Variants in NVL observed in about 807,000 individuals in gnomAD.
NVL encodes the protein nuclear valosin-containing protein-like.
NVL carries 84 observed loss-of-function variants against 110.2 expected under a neutral mutation model. That is an observed-to-expected ratio of 0.76 (90% CI 0.64 to 0.91). The LOEUF is 0.91. NVL is among the 40% of genes least tolerant of loss of function. The pLI, the probability that NVL is intolerant of heterozygous loss-of-function variation, is 0.00. For synonymous variants in NVL, 354 were observed against 361.1 expected (o/e 0.98, Z 0.22); for missense variants, 882 against 1,035.9 (o/e 0.85, Z 2.04).
chr1:224,321,023 G>A (rs1481179421), intron 2 of NVL, among the ~76,000 whole-genome samples: 1 of 152,108 alleles, frequency 6.6e-6, no homozygotes, highest in Admixed American at 6.5e-5. Flanking sequence ...AGGCTGAGGC[G>A]AGAGGATCAC....
chr1:224,279,485 T>C (rs1666106494), intron 16 of NVL, among the ~76,000 whole-genome samples: 1 of 152,104 alleles, frequency 6.6e-6, no homozygotes, highest in Non-Finnish European at 1.5e-5. Context: ...TGCAAAATAA[T>C]ACACACTATT....
Position 224,319,153 on chromosome 1 carries a change from C to CAAA in NVL, c.132-1226_132-1224dup, listed in dbSNP as rs770885193. On this transcript the variant is annotated intron_variant, in intron 2 of 22. Coordinates refer to ENST00000281701, the MANE Select transcript of NVL (RefSeq NM_002533.4). ...CTGGGGACAGAGCAAGACTCCGTCTCAAAAAAAAAAAAAAAAAAAAAAAGG... is the reference window on the plus strand; with the variant it reads ...CTGGGGACAGAGCAAGACTCCGTCTCAAAAAAAAAAAAAAAAAAAAAAAAAAGG... Among the ~76,000 whole-genome samples the CAAA allele has an allele frequency of 3.5e-3, 163 of 47,092 alleles. 3 individuals are homozygous for CAAA. Among genetic ancestry groups the CAAA allele is most frequent in the Middle Eastern group, 0.029 (1 of 34 alleles). The allele number at this position is 47,092 out of a possible 152,430, so 30.9% of individuals were successfully genotyped here. A position where few individuals can be genotyped will look rare whatever the true frequency, so the allele number is the denominator to read the frequency against.
chr1:224,247,074 A>C (rs945545472), intron 19 of NVL, among the ~76,000 whole-genome samples: 3 of 151,322 alleles, frequency 2.0e-5, no homozygotes, highest in African/African-American at 2.4e-5. Context: ...AAAAAAAAAA[A>C]CAGAGCCAAC....
chr1:224,271,272 C>G (rs142102955), intron 17 of NVL, among the ~76,000 whole-genome samples: 1 of 152,106 alleles, frequency 6.6e-6, no homozygotes, highest in South Asian at 2.1e-4. Flanking sequence ...GCAGGAGGAT[C>G]GCTTGAGGCC....
At chr1:224,232,000 C>T (rs986262389) in intron 21 of NVL, 1 of 151,448 alleles carries the variant, frequency 6.6e-6, no homozygotes, top group Non-Finnish European at 1.5e-5. Context: ...GCACTCCAGC[C>T]TGGGCGACAG....
intron 19 of NVL, among the ~76,000 whole-genome samples, chr1:224,247,255 G>C (rs951976474): frequency 6.6e-6 from 1 of 151,870 alleles, no homozygotes; most frequent in Non-Finnish European, 1.5e-5. Flanking sequence ...GCTCAGGCTG[G>C]AGTGCAGTGA....
At chr1:224,296,660 C>T (rs762426134) in intron 10 of NVL, 42 bp from the exon 11 acceptor site, 2 of 1,185,056 alleles carry the variant, frequency 1.7e-6, no homozygotes. Context: ...ATAAATGCAT[C>T]CCCTATACTG....
At chr1:224,275,318 C>A in intron 17 of NVL, 21 bp downstream of exon 17, 8 of 1,613,924 alleles carry the variant, frequency 5.0e-6, no homozygotes, top group Non-Finnish European at 6.8e-6. Flanking sequence ...AATCTGAAAA[C>A]CACTAGTCCA....
intron 18 of NVL, among the ~76,000 whole-genome samples, chr1:224,257,339 T>C (rs1663395988): frequency 6.6e-6 from 1 of 151,742 alleles, no homozygotes; most frequent in Non-Finnish European, 1.5e-5. Context: ...AAAACATTAA[T>C]TAAAAAAGAA....
chr1:224,275,333 A>T lies in NVL; in HGVS notation c.2082+6T>A, dbSNP rs778453330. ...AATCTGAAAACCACTAGTCCATGAT[A>T]CTTACCTCTCGGTCTGATCTTCGAG... is the stretch of plus-strand genomic sequence containing the variant. On this transcript the variant is annotated splice_donor_region_variant and intron_variant, in intron 17 of 22. Transcript: ENST00000281701. 6.2e-7 allele frequency: 1 copy of T among 1,614,158 alleles called. No homozygotes were observed. Among genetic ancestry groups the T allele is most frequent in the South Asian group, 1.1e-5 (1 of 91,084 alleles).
At chr1:224,315,103 T>A (rs1042126044) in intron 4 of NVL, among the ~76,000 whole-genome samples, 2 of 151,234 alleles carry the variant, frequency 1.3e-5, no homozygotes, top group Non-Finnish European at 2.9e-5. Flanking sequence ...TCACCCAGGC[T>A]GGAGTGCAGT....
rs552194388 is a variant in NVL, at chr1:224,265,529, A to C, written c.2182+2505T>G. ...AAAATAAATAAATAAATAATAAAAT[A>C]AAATAAACAAACTTAAAATATGGTG... On this transcript the variant is annotated intron_variant, in intron 18 of 22. Coordinates refer to ENST00000281701, the MANE Select transcript of NVL (RefSeq NM_002533.4). 2.0e-5 allele frequency among the ~76,000 whole-genome samples: 3 copies of C among 152,248 alleles called. No homozygotes were observed. In the South Asian group the frequency reaches 6.2e-4, roughly 32 times the overall value.
chr1:224,297,690 C>A, intron 10 of NVL: 2 of 180,358 alleles, frequency 1.1e-5, no homozygotes, highest in South Asian at 2.4e-4. Context: ...GAGAGATGTT[C>A]TCTAGGCCGT....
intron 1 of NVL, among the ~76,000 whole-genome samples, chr1:224,327,615 C>G (rs1384588733): frequency 6.6e-6 from 1 of 151,664 alleles, no homozygotes; most frequent in Non-Finnish European, 1.5e-5. Context: ...TGCAAACATT[C>G]CAAAACCTGA....
chr1:224,254,228 G>A (rs1662881469), intron 18 of NVL, among the ~76,000 whole-genome samples: 3 of 151,772 alleles, frequency 2.0e-5, no homozygotes. Context: ...GAGCAGCTGG[G>A]ATTACAGGTG....
At chr1:224,295,426 T>G (rs1667784776) in intron 11 of NVL, among the ~76,000 whole-genome samples, 1 of 151,984 alleles carries the variant, frequency 6.6e-6, no homozygotes, top group African/African-American at 2.4e-5. Flanking sequence ...GGTCTCGATC[T>G]CCTGACCTCC....
intron 8 of NVL, 124 bp downstream of exon 8, chr1:224,304,612 C>A (rs944675163): frequency 1.2e-6 from 1 of 801,940 alleles, no homozygotes; most frequent in Non-Finnish European, 2.1e-6. Context: ...CAGGTTTGCC[C>A]TTCTCAACCT....
At chr1:224,281,383 C>T (rs1313834444) in intron 15 of NVL, among the ~76,000 whole-genome samples, 198 bp from the exon 16 acceptor site, 1 of 151,716 alleles carries the variant, frequency 6.6e-6, no homozygotes, top group Non-Finnish European at 1.5e-5. Context: ...TCACTGCAAA[C>T]TCTGCCTCCC....
intron 20 of NVL, among the ~76,000 whole-genome samples, chr1:224,235,184 T>C (rs1660324204): frequency 6.6e-6 from 1 of 152,130 alleles, no homozygotes; most frequent in Non-Finnish European, 1.5e-5. Flanking sequence ...TTTTTATTTT[T>C]TGAGATGGAG....
Sources: allele counts gnomAD v4.1 joint callset (sites outside exome capture counted in the v4.1 genomes callset), GRCh38; gene constraint gnomAD v4.1.1; transcripts MANE v1.5; gene names NCBI Gene and HGNC (gene_info 2026-07-23, HGNC 2026-07-21).